ZNF385D: variants seen among roughly 807,000 people sequenced by gnomAD.
ZNF385D encodes the protein zinc finger protein 659.
Under a neutral mutation model 35.8 loss-of-function variants are expected in ZNF385D, and 15 were observed. That is an observed-to-expected ratio of 0.42 (90% CI 0.28 to 0.64). The LOEUF is 0.64. Among genes scored for constraint, ZNF385D ranks in the 30% least tolerant of loss-of-function variants. The probability of loss-of-function intolerance (pLI) is 0.23; values close to 1 mark genes in which losing one functional copy is unlikely to be tolerated. For missense variants in ZNF385D, 474 were observed against 494.6 expected (o/e 0.96, Z 0.39); for synonymous variants, 212 against 186.8 (o/e 1.13, Z -1.10).
At chr3:21,722,937 T>A (rs942820933) in intron 1 of ZNF385D, among the ~76,000 whole-genome samples, 3 of 152,196 alleles carry the variant, frequency 2.0e-5, no homozygotes, top group African/African-American at 7.2e-5. Context: ...TTGTCCTCAA[T>A]TAGTTCCCTG....
chr3:22,129,898 T>C (rs1371089305), intron 3 of ZNF385D, among the ~76,000 whole-genome samples: 1 of 152,050 alleles, frequency 6.6e-6, no homozygotes, highest in East Asian at 1.9e-4. Flanking sequence ...CTTCTTATGG[T>C]CACCACAGCT....
At chr3:22,214,591 G>C (rs1450081569) in intron 2 of ZNF385D, among the ~76,000 whole-genome samples, 1 of 152,138 alleles carries the variant, frequency 6.6e-6, no homozygotes, top group Admixed American at 6.6e-5. Flanking sequence ...CGTCCCTGAA[G>C]GTAGACCTCT....
intron 3 of ZNF385D, among the ~76,000 whole-genome samples, chr3:22,067,575 C>A (rs1026931315): frequency 2.0e-5 from 3 of 152,128 alleles, no homozygotes; most frequent in African/African-American, 7.2e-5. Flanking sequence ...ATTCATAACA[C>A]TAAAGTTAAC....
intron 3 of ZNF385D, among the ~76,000 whole-genome samples, chr3:21,545,012 A>G (rs955853572): frequency 8.5e-5 from 13 of 152,230 alleles, no homozygotes; most frequent in African/African-American, 3.1e-4. Flanking sequence ...CTTGGTGAAT[A>G]ATGCTAACAT....
intron 2 of ZNF385D, among the ~76,000 whole-genome samples, chr3:22,358,139 G>T (rs1196173533): frequency 2.0e-5 from 3 of 151,848 alleles, no homozygotes; most frequent in African/African-American, 7.2e-5. Flanking sequence ...GCATGTTCAA[G>T]AAGTAATACT....
intron 2 of ZNF385D, among the ~76,000 whole-genome samples, chr3:22,249,017 T>C (rs1437296756): frequency 2.0e-5 from 3 of 152,176 alleles, no homozygotes; most frequent in Admixed American, 6.6e-5. Flanking sequence ...CCACCTCTTA[T>C]GTGAGTGGAG....
At chr3:22,047,347 T>C (rs1699065558) in intron 3 of ZNF385D, among the ~76,000 whole-genome samples, 1 of 152,088 alleles carries the variant, frequency 6.6e-6, no homozygotes, top group Non-Finnish European at 1.5e-5. Context: ...ACAATAGATC[T>C]CTTGTACTTA....
At chr3:21,450,676 C>A (rs934759288) in intron 4 of ZNF385D, among the ~76,000 whole-genome samples, 1 of 152,078 alleles carries the variant, frequency 6.6e-6, no homozygotes, top group Non-Finnish European at 1.5e-5. Flanking sequence ...TTAGATAATT[C>A]AAGCGCACAC....
chr3:21,947,794 A>G (rs1462152279), intron 3 of ZNF385D, among the ~76,000 whole-genome samples: 1 of 152,012 alleles, frequency 6.6e-6, no homozygotes, highest in African/African-American at 2.4e-5. Context: ...TATGGTTTCA[A>G]TCATTGGTGT....
intron 3 of ZNF385D, among the ~76,000 whole-genome samples, chr3:21,527,603 T>A (rs528032478): frequency 5.3e-5 from 8 of 152,282 alleles, no homozygotes; most frequent in Admixed American, 3.9e-4. Context: ...TATCATTAAC[T>A]TCAGGCTTTC....
At chr3:21,956,577 A>C (rs989080517) in intron 3 of ZNF385D, among the ~76,000 whole-genome samples, 7 of 152,008 alleles carry the variant, frequency 4.6e-5, no homozygotes, top group African/African-American at 1.7e-4. Context: ...TGGCCAACAG[A>C]GTGACATATT....
In ZNF385D at chr3:22,365,590, T is replaced by C. The variant is rs551321932; in HGVS notation, c.106+6860A>G. Among the ~76,000 whole-genome samples the C allele has an allele frequency of 1.1e-3, 161 of 152,248 alleles. 1 individual carries two copies. Among genetic ancestry groups the C allele is most frequent in the Middle Eastern group, 0.01 (3 of 294 alleles). On this transcript the variant is annotated intron_variant, in intron 2 of 5. Transcript: ENST00000494108. ...GGTATGAAACAAAGGAAAACATCTC[T>C]GTCTGTTCAATTTAACACACCACCA...
intron 2 of ZNF385D, among the ~76,000 whole-genome samples, chr3:21,594,251 C>A (rs923256333): frequency 6.6e-6 from 1 of 152,162 alleles, no homozygotes; most frequent in Non-Finnish European, 1.5e-5. Flanking sequence ...TCCATTTGTT[C>A]TCTGGACTTC....
At chr3:21,612,976 C>T (rs1343446018) in intron 2 of ZNF385D, among the ~76,000 whole-genome samples, 1 of 144,682 alleles carries the variant, frequency 6.9e-6, no homozygotes, top group African/African-American at 2.6e-5. Context: ...CTTCATGCAA[C>T]ATCTTTTTTC....
chr3:22,346,603 A>G (rs1695669806), intron 2 of ZNF385D, among the ~76,000 whole-genome samples: 4 of 152,192 alleles, frequency 2.6e-5, no homozygotes, highest in Admixed American at 2.6e-4. Flanking sequence ...GGTGATAAAA[A>G]TTTTAATCTA....
chr3:22,161,850 G>GT (rs1371484493), intron 3 of ZNF385D, among the ~76,000 whole-genome samples: 1 of 152,090 alleles, frequency 6.6e-6, no homozygotes, highest in Admixed American at 6.6e-5. Flanking sequence ...CAAATGTATG[G>GT]TATAATTTTG....
At chr3:22,153,401 A>T (rs955138692) in intron 3 of ZNF385D, among the ~76,000 whole-genome samples, 2 of 151,880 alleles carry the variant, frequency 1.3e-5, no homozygotes, top group Non-Finnish European at 2.9e-5. Context: ...TCATGGGCAC[A>T]AGTTCCTGCA....
At chr3:21,683,716 T>C (rs1408674240) in intron 1 of ZNF385D, among the ~76,000 whole-genome samples, 1 of 150,062 alleles carries the variant, frequency 6.7e-6, no homozygotes, top group Non-Finnish European at 1.5e-5. Context: ...ACAGAAGGAT[T>C]CAATGTGCCC....
At chr3:21,739,250 T>A (rs2069389835) in intron 1 of ZNF385D, among the ~76,000 whole-genome samples, 1 of 152,204 alleles carries the variant, frequency 6.6e-6, no homozygotes, top group Admixed American at 6.5e-5. Flanking sequence ...TCACACTCCA[T>A]AAACATTTAC....
Sources: allele counts gnomAD v4.1 joint callset (sites outside exome capture counted in the v4.1 genomes callset), GRCh38; gene constraint gnomAD v4.1.1; transcripts MANE v1.5; gene names NCBI Gene and HGNC (gene_info 2026-07-23, HGNC 2026-07-21).